SAMD3: variants seen among roughly 807,000 people sequenced by gnomAD.
The protein encoded by SAMD3 is sterile alpha motif domain-containing protein 3.
A neutral mutation model predicts 58.5 loss-of-function variants in SAMD3; 63 were observed. That is an observed-to-expected ratio of 1.08 (90% CI 0.88 to 1.33). SAMD3 has a LOEUF of 1.33. Among genes scored for constraint, SAMD3 ranks in the 40% most tolerant of loss-of-function variants. The pLI is 0.00. For missense variants in SAMD3, 604 were observed against 608.4 expected (o/e 0.99, Z 0.08); for synonymous variants, 220 against 210.3 (o/e 1.05, Z -0.40).
chr6:130,248,206 G>A (rs2326947), intron 2 of SAMD3, among the ~76,000 whole-genome samples: 1 of 151,442 alleles, frequency 6.6e-6, no homozygotes, highest in Admixed American at 6.6e-5. Flanking sequence ...GTGTGTGTGT[G>A]TGTGTGTTCC....
At chr6:130,365,593 G>A (rs1778115537), upstream of SAMD3, 1 of 985,350 alleles carries the variant, frequency 1.0e-6, no homozygotes, top group African/African-American at 1.7e-5. Context: ...AGCCGCTCCG[G>A]AGAACTGGGG....
chr6:130,264,528 A>G (rs1774266669), intron 2 of SAMD3, among the ~76,000 whole-genome samples: 1 of 152,060 alleles, frequency 6.6e-6, no homozygotes. Flanking sequence ...TGTCCCTTTT[A>G]CCCTGGCATT....
At chr6:130,317,931 C>T (rs1261496275) in intron 1 of SAMD3, among the ~76,000 whole-genome samples, 1 of 152,072 alleles carries the variant, frequency 6.6e-6, no homozygotes, top group Non-Finnish European at 1.5e-5. Flanking sequence ...GTTGATTGAC[C>T]GGGAAGGCCA....
At chr6:130,316,122 C>T (rs1386500955) in intron 1 of SAMD3, among the ~76,000 whole-genome samples, 2 of 151,958 alleles carry the variant, frequency 1.3e-5, no homozygotes, top group Admixed American at 1.3e-4. Flanking sequence ...AAAACCCCAT[C>T]TCTACTAAAA....
intron 9 of SAMD3, 107 bp downstream of exon 9, chr6:130,154,718 A>AAAAAAAAAAT (rs1554252170): frequency 1.4e-5 from 1 of 72,122 alleles, no homozygotes; most frequent in African/African-American, 6.6e-5. Context: ...AAAAAAAAAA[A>AAAAAAAAAAT]ATATATATAT....
intron 1 of SAMD3, among the ~76,000 whole-genome samples, chr6:130,363,959 G>C (rs1322760308): frequency 6.6e-6 from 1 of 152,166 alleles, no homozygotes; most frequent in Non-Finnish European, 1.5e-5. Flanking sequence ...TTGGCCATTA[G>C]TAAGGATAAA....
In SAMD3 at chr6:130,184,132, G is replaced by T; in HGVS notation, c.625C>A (p.Pro209Thr). The T allele has an allele frequency of 1.2e-6, 2 of 1,613,952 alleles. No homozygotes were observed. The highest frequency in any genetic ancestry group is 1.7e-6 in the Non-Finnish European group (2 of 1,179,902). Reference protein sequence around the residue: ...DVVNALLQAHPFLDEDGCGFF... With the variant: ...DVVNALLQAHTFLDEDGCGFF... ...CCACAGCCATCCTCATCCAGGAAAG[G>T]GTGGGCCTGCAGCAGGGCATTAACC... The change falls in exon 7 of 12, where the codon CCT becomes ACT. Residue 209 changes from proline (P) to threonine (T), a missense_variant. Transcript: ENST00000439090.
chr6:130,223,952 C>T (rs551934551), upstream of SAMD3, among the ~76,000 whole-genome samples: 1 of 152,230 alleles, frequency 6.6e-6, no homozygotes, highest in Admixed American at 6.5e-5. Flanking sequence ...AGGTTCTTGC[C>T]TTAATGTACC....
In SAMD3 at chr6:130,147,922, A is replaced by C. The variant is rs376554246; in HGVS notation, c.1024-1741T>G. ...TTTATGCATTTCTGGCAAGAATATT[A>C]GCATTTCTCACTGTGTCCGGAAGCA... is the stretch of plus-strand genomic sequence containing the variant. On this transcript the variant is annotated intron_variant, in intron 9 of 11. Coordinates refer to ENST00000439090, the MANE Select transcript of SAMD3 (RefSeq NM_001017373.4). Among the ~76,000 whole-genome samples the C allele has an allele frequency of 3.5e-4, 53 of 152,388 alleles. 1 individual carries two copies. The South Asian group carries it at 0.011, about 31-fold the overall frequency.
intron 5 of SAMD3, among the ~76,000 whole-genome samples, chr6:130,186,823 T>A (rs977087994): frequency 2.2e-5 from 3 of 138,484 alleles, no homozygotes; most frequent in South Asian, 2.3e-4. Flanking sequence ...CAGGCTGGAG[T>A]GCAGTGGTGC....
upstream of SAMD3, among the ~76,000 whole-genome samples, chr6:130,227,703 G>A (rs200052430): frequency 2.0e-5 from 3 of 151,450 alleles, no homozygotes; most frequent in East Asian, 3.9e-4. Context: ...CAGGAGAATC[G>A]CTTGAACCTG....
chr6:130,317,083 AC>A (rs1562518828), intron 1 of SAMD3, among the ~76,000 whole-genome samples: 1 of 152,206 alleles, frequency 6.6e-6, no homozygotes, highest in African/African-American at 2.4e-5. Context: ...ATCCTGAGTT[AC>A]AATTTGGATG....
intron 5 of SAMD3, among the ~76,000 whole-genome samples, chr6:130,206,914 G>C (rs904596776): frequency 5.9e-5 from 9 of 152,114 alleles, no homozygotes; most frequent in Admixed American, 1.3e-4. Context: ...GGAGCATGAT[G>C]AGGACAAAAT....
chr6:130,307,030 T>C (rs2114981823), intron 2 of SAMD3, among the ~76,000 whole-genome samples: 1 of 152,360 alleles, frequency 6.6e-6, no homozygotes, highest in Non-Finnish European at 1.5e-5. Context: ...TTCCTAGCCT[T>C]TTTGAATCAT....
intron 5 of SAMD3, among the ~76,000 whole-genome samples, chr6:130,187,610 G>A (rs1793124967): frequency 6.6e-6 from 1 of 152,154 alleles, no homozygotes; most frequent in African/African-American, 2.4e-5. Flanking sequence ...TTTGGAAGCA[G>A]ATAACTGCAG....
At chr6:130,232,915 T>C (rs1253072663) in intron 2 of SAMD3, among the ~76,000 whole-genome samples, 1 of 152,142 alleles carries the variant, frequency 6.6e-6, no homozygotes, top group Non-Finnish European at 1.5e-5. Context: ...AGTAGGAAGA[T>C]AAAGAGAGAG....
intron 2 of SAMD3, among the ~76,000 whole-genome samples, chr6:130,299,489 G>A (rs980620108): frequency 5.3e-5 from 8 of 152,064 alleles, no homozygotes; most frequent in African/African-American, 1.9e-4. Context: ...AAAGTTTATA[G>A]CACTAAATGC....
intron 2 of SAMD3, among the ~76,000 whole-genome samples, chr6:130,298,589 C>A (rs1562507294): frequency 6.6e-6 from 1 of 152,212 alleles, no homozygotes; most frequent in East Asian, 1.9e-4. Flanking sequence ...TAAATGCCGA[C>A]ATCACAAAGA....
intron 5 of SAMD3, among the ~76,000 whole-genome samples, chr6:130,199,824 C>T (rs1403529167): frequency 1.3e-5 from 2 of 152,158 alleles, no homozygotes; most frequent in East Asian, 3.8e-4. Context: ...GTTTGAGCCA[C>T]ATTCCTATAA....
Sources: allele counts gnomAD v4.1 joint callset (sites outside exome capture counted in the v4.1 genomes callset), GRCh38; gene constraint gnomAD v4.1.1; transcripts MANE v1.5; gene names NCBI Gene and HGNC (gene_info 2026-07-23, HGNC 2026-07-21).